Variants in TNFSF10 observed in about 807,000 individuals in gnomAD.
The protein encoded by TNFSF10 is tumor necrosis factor ligand superfamily member 10.
A neutral mutation model predicts 29.5 loss-of-function variants in TNFSF10; 13 were observed. That is an observed-to-expected ratio of 0.44 (90% CI 0.29 to 0.70). TNFSF10 has a LOEUF of 0.70. TNFSF10 is among the 30% of genes least tolerant of loss of function. The probability of loss-of-function intolerance (pLI) is 0.13; values close to 1 mark genes in which losing one functional copy is unlikely to be tolerated. For missense variants in TNFSF10, 345 were observed against 330.9 expected (o/e 1.04, Z -0.33); for synonymous variants, 111 against 112.8 (o/e 0.98, Z 0.10).
chr3:172,509,196 C>T, intron 4 of TNFSF10, 21 bp downstream of exon 4: 2 of 1,593,398 alleles, frequency 1.3e-6, no homozygotes, highest in Non-Finnish European at 8.6e-7. Flanking sequence ...CCTTAAGTCA[C>T]TTATTTGTTG....
In TNFSF10 at chr3:172,518,306, T is replaced by C. The variant is rs561757442; in HGVS notation, c.133-3308A>G. ...AGTGGATTTCCATGGTGACTGCTCT[T>C]GGTGCTGTTACAAACACGGTGGTTG... On this transcript the variant is annotated intron_variant, in intron 1 of 4. Transcript: ENST00000241261. 42 of 1,210,804 alleles carry C rather than the reference T, an allele frequency of 3.5e-5. No homozygotes were observed. The African/African-American group carries it at 6.1e-4, about 18-fold the overall frequency. 75.0% of individuals were successfully genotyped at this position (1,210,804 alleles called of 1,614,324 possible). A position where few individuals can be genotyped will look rare whatever the true frequency, so the allele number is the denominator to read the frequency against.
intron 4 of TNFSF10, among the ~76,000 whole-genome samples, chr3:172,508,609 G>A (rs964280233): frequency 3.3e-5 from 5 of 152,240 alleles, no homozygotes; most frequent in African/African-American, 1.2e-4. Context: ...AGAGAGAAAG[G>A]CTGGGTGCAG....
Position 172,518,481 on chromosome 3 carries a change from A to C in TNFSF10, c.133-3483T>G, listed in dbSNP as rs146259756. The stretch of plus-strand genomic sequence containing the variant: ...TTTCTGCAAACTGCAAATAGCATAA[A>C]GGATCATTTATGGAGATCCGTGGAG... On this transcript the variant is annotated intron_variant, in intron 1 of 4. Transcript: ENST00000241261. 23 of 1,287,952 alleles carry C rather than the reference A, an allele frequency of 1.8e-5. No homozygotes were observed. The East Asian group carries it at 1.2e-3, about 68-fold the overall frequency. 79.8% of individuals were successfully genotyped at this position (1,287,952 alleles called of 1,614,324 possible).
intron 1 of TNFSF10, among the ~76,000 whole-genome samples, chr3:172,516,218 C>T (rs935490832): frequency 2.0e-5 from 3 of 148,676 alleles, no homozygotes; most frequent in Admixed American, 1.4e-4. Context: ...GAGCTGAGAT[C>T]GTGCCATTGC....
At chr3:172,509,525 A>C (rs1358035476) in intron 3 of TNFSF10, among the ~76,000 whole-genome samples, 1 of 152,252 alleles carries the variant, frequency 6.6e-6, no homozygotes, top group Non-Finnish European at 1.5e-5. Context: ...TTACACGGAA[A>C]GAATAAGCAG....
At chr3:172,517,573 C>T (rs1357143042) in intron 1 of TNFSF10, 2 of 985,252 alleles carry the variant, frequency 2.0e-6, no homozygotes, top group Non-Finnish European at 1.2e-6. Flanking sequence ...AAAACAACCA[C>T]TAATAGCAGC....
intron 1 of TNFSF10, chr3:172,517,214 T>C: frequency 1.8e-6 from 1 of 566,524 alleles, no homozygotes; most frequent in Non-Finnish European, 2.2e-6. Flanking sequence ...CAACAACTTA[T>C]CAACTGAGGT....
intron 1 of TNFSF10, among the ~76,000 whole-genome samples, chr3:172,516,874 A>C (rs921300661): frequency 2.6e-5 from 4 of 152,246 alleles, no homozygotes; most frequent in Admixed American, 2.0e-4. Context: ...TCAAGAAGGA[A>C]GAGACGAGAA....
Position 172,506,799 on chromosome 3 carries a change from C to A in TNFSF10, c.539G>T (p.Gly180Val). ...TGTTTGGGAATAGATGTAGTAAAAC[C>A]CTTTTTCATGGATGACCAGTTCACC... ...RNGELVIHEK[G>V]FYYIYSQTYF... Residue 180 changes from glycine to valine, a missense_variant, in exon 5 of 5, where the codon GGG becomes GTG. By Grantham distance (109) the Gly-to-Val change is moderately radical. Transcript: ENST00000241261. 6.2e-7 allele frequency: 1 copy of A among 1,614,136 alleles called. No individual in the cohort carries two copies. The highest frequency in any genetic ancestry group is 8.5e-7 in the Non-Finnish European group (1 of 1,180,042).
Position 172,506,863 on chromosome 3 carries a change from T to C in TNFSF10, c.475A>G (p.Ser159Gly), listed in dbSNP as rs1158473136. 2.5e-6 allele frequency: 4 copies of C among 1,614,122 alleles called. No individual in the cohort carries two copies. Among genetic ancestry groups the C allele is most frequent in the Non-Finnish European group, 3.4e-6 (4 of 1,180,012 alleles). ...AAGTTGCTCAGGAATGAATGCCCAC[T>C]CCTTGATGATTCCCAGGAGTTTATT... ...RKINSWESSR[S>G]GHSFLSNLHL... Residue 159 changes from serine (S) to glycine (G), a missense_variant, in exon 5 of 5, where the codon AGT (serine) becomes GGT (glycine). Coordinates refer to ENST00000241261, the MANE Select transcript of TNFSF10 (RefSeq NM_003810.4).
intron 3 of TNFSF10, 133 bp downstream of exon 3, chr3:172,511,484 G>A (rs1713221889): frequency 4.6e-6 from 3 of 646,854 alleles, no homozygotes; most frequent in Non-Finnish European, 7.4e-6. Flanking sequence ...TCAACAAGTG[G>A]CTTGAGATAC....
rs1713787688 is a variant in TNFSF10, at chr3:172,523,294, C to T, written c.91G>A (p.Val31Met). The change falls in exon 1 of 5, where the codon GTG (valine) becomes ATG (methionine). Residue 31 changes from valine (V) to methionine (M), a missense_variant. Coordinates refer to ENST00000241261, the MANE Select transcript of TNFSF10 (RefSeq NM_003810.4). Reference protein sequence around the residue: ...IFTVLLQSLCVAVTYVYFTNE... With the variant: ...IFTVLLQSLCMAVTYVYFTNE... ...GTAAAGTACACGTAAGTTACAGCCA[C>T]ACAGAGAGACTGCAGGAGCACTGTG... 2 of 1,614,042 alleles carry T rather than the reference C, an allele frequency of 1.2e-6. No homozygotes were observed. Among genetic ancestry groups the T allele is most frequent in the South Asian group, 1.1e-5 (1 of 91,082 alleles).
At chr3:172,519,128 G>A (rs985813616) in intron 1 of TNFSF10, among the ~76,000 whole-genome samples, 2 of 152,106 alleles carry the variant, frequency 1.3e-5, no homozygotes, top group Non-Finnish European at 2.9e-5. Context: ...TTGAAACCAG[G>A]CAATACTTTT....
chr3:172,523,293 A>G lies in TNFSF10; in HGVS notation c.92T>C (p.Val31Ala), dbSNP rs774326181. The G allele has an allele frequency of 9.9e-6, 16 of 1,614,034 alleles. No individual in the cohort carries two copies. The highest frequency in any genetic ancestry group is 3.3e-4 in the Middle Eastern group (2 of 6,062). The part of the protein sequence containing the change: ...IFTVLLQSLC[V>A]AVTYVYFTNE... ...GGTAAAGTACACGTAAGTTACAGCCACACAGAGAGACTGCAGGAGCACTGT... is the reference window on the plus strand; with the variant it reads ...GGTAAAGTACACGTAAGTTACAGCCGCACAGAGAGACTGCAGGAGCACTGT... The change falls in exon 1 of 5, where the codon GTG (valine) becomes GCG (alanine). Residue 31 changes from valine to alanine, a missense_variant. Transcript: ENST00000241261.
chr3:172,514,983 A>G lies in TNFSF10; in HGVS notation c.148T>C (p.Ser50Pro). ...AAGAAACAAGCAATGCCACTTTTGGAGTACTTGTCCTGCATCTGGGTTGAG... is the reference window on the plus strand; with the variant it reads ...AAGAAACAAGCAATGCCACTTTTGGGGTACTTGTCCTGCATCTGGGTTGAG... ...NELKQMQDKYSKSGIACFLKE... is the reference protein window; with the variant it reads ...NELKQMQDKYPKSGIACFLKE... Residue 50 changes from serine to proline, a missense_variant, in exon 2 of 5, where the codon TCC (serine) becomes CCC (proline). Physicochemically the swap from Ser to Pro is moderately conservative, Grantham distance 74. Transcript: ENST00000241261. The G allele has an allele frequency of 6.2e-7, 1 of 1,614,124 alleles. No homozygotes were observed. The highest frequency in any genetic ancestry group is 8.5e-7 in the Non-Finnish European group (1 of 1,180,020).
At chr3:172,519,782 T>A (rs1284552182) in intron 1 of TNFSF10, among the ~76,000 whole-genome samples, 1 of 152,212 alleles carries the variant, frequency 6.6e-6, no homozygotes, top group Non-Finnish European at 1.5e-5. Flanking sequence ...AAACTACATT[T>A]CCCTAGCAAA....
intron 1 of TNFSF10, chr3:172,518,416 G>A (rs1451204094): frequency 7.8e-7 from 1 of 1,289,330 alleles, no homozygotes; most frequent in Non-Finnish European, 1.0e-6. Flanking sequence ...TGGCAGCAAT[G>A]ACCCTGTCTG....
At chr3:172,509,976 C>CAAAAAAA (rs11290814) in intron 3 of TNFSF10, among the ~76,000 whole-genome samples, 1 of 101,914 alleles carries the variant, frequency 9.8e-6, no homozygotes, top group Non-Finnish European at 2.1e-5. Context: ...AAGACTCCGT[C>CAAAAAAA]AAAAAAAAAA....
intron 1 of TNFSF10, chr3:172,517,485 T>C (rs1713483176): frequency 1.1e-6 from 1 of 874,788 alleles, no homozygotes; most frequent in South Asian, 5.6e-5. Flanking sequence ...CAGGGAAGCA[T>C]GGAAAAGTAA....
Sources: allele counts gnomAD v4.1 joint callset (sites outside exome capture counted in the v4.1 genomes callset), GRCh38; gene constraint gnomAD v4.1.1; transcripts MANE v1.5; gene names NCBI Gene and HGNC (gene_info 2026-07-23, HGNC 2026-07-21).